The following MAP7D2 variants were observed in gnomAD, a reference collection of about 807,000 sequenced individuals.
MAP7D2 encodes MAP7 domain-containing protein 2.
In MAP7D2, 33 loss-of-function variants were observed where a neutral mutation model predicts 63.5. The observed-to-expected ratio is 0.52, with a 90% CI of 0.39 to 0.70. MAP7D2 has a LOEUF of 0.70. Ranked by LOEUF, MAP7D2 falls within the 30% of genes least tolerant of loss-of-function variation. The pLI, the probability that MAP7D2 is intolerant of heterozygous loss-of-function variation, is 0.00. For missense variants in MAP7D2, 626 were observed against 604.0 expected, an observed-to-expected ratio of 1.04 and a Z score of -0.38; for synonymous variants, 224 against 223.7, an observed-to-expected ratio of 1.00 and a Z score of -0.01.
chrX:20,094,522 A>ATATATATATATATATG (rs2066177476), intron 1 of MAP7D2, among the ~76,000 whole-genome samples: 1 of 13,915 alleles, frequency 7.2e-5, no homozygotes, highest in Admixed American at 1.4e-3. Flanking sequence ...ATATGTATAT[A>ATATATATATATATATG]TATATATATA....
chrX:20,065,807 A>T (rs564905874), intron 1 of MAP7D2, among the ~76,000 whole-genome samples: 1 of 112,437 alleles, frequency 8.9e-6, no homozygotes, highest in South Asian at 3.6e-4. Context: ...GGCTTTCTAA[A>T]CAAAAGATTA....
chrX:20,089,635 G>A (rs1287794852), intron 1 of MAP7D2, among the ~76,000 whole-genome samples: 1 of 112,080 alleles, frequency 8.9e-6, no homozygotes, highest in Non-Finnish European at 1.9e-5. Context: ...AAGATCCCCA[G>A]GGGATTCCCA....
At chrX:20,051,782 C>G (rs1307963471) in intron 5 of MAP7D2, among the ~76,000 whole-genome samples, 1 of 112,220 alleles carries the variant, frequency 8.9e-6, no homozygotes, top group African/African-American at 3.2e-5. Flanking sequence ...AAAATACAAA[C>G]AGCCAACTGA....
intron 1 of MAP7D2, among the ~76,000 whole-genome samples, chrX:20,111,426 G>A (rs759067487): frequency 4.5e-4 from 51 of 112,091 alleles, no homozygotes; most frequent in Middle Eastern, 9.3e-3. Flanking sequence ...GTAAAAGCGC[G>A]TCTTAGACCT....
At chrX:20,027,790 G>C (rs973788745) in intron 8 of MAP7D2, among the ~76,000 whole-genome samples, 2 of 98,615 alleles carry the variant, frequency 2.0e-5, no homozygotes, top group African/African-American at 4.1e-5. Flanking sequence ...GAGAGAGAGA[G>C]ACAGAGACAG....
At chrX:20,079,699 A>G (rs1235213324) in intron 1 of MAP7D2, among the ~76,000 whole-genome samples, 1 of 112,002 alleles carries the variant, frequency 8.9e-6, no homozygotes, top group Non-Finnish European at 1.9e-5. Context: ...TCCCAAGGTT[A>G]TGGGGTAGAG....
At chrX:20,063,369 T>G in intron 3 of MAP7D2, 45 bp downstream of exon 3, 1 of 1,190,594 alleles carries the variant, frequency 8.4e-7, no homozygotes, top group Non-Finnish European at 1.1e-6. Flanking sequence ...CTGAGCAGCC[T>G]GCTGAGGGGG....
intron 1 of MAP7D2, among the ~76,000 whole-genome samples, chrX:20,108,965 A>G (rs2066651305): frequency 9.1e-6 from 1 of 110,344 alleles, no homozygotes; most frequent in Non-Finnish European, 1.9e-5. Flanking sequence ...GTAAACTAGG[A>G]AATTCCATTA....
chrX:20,088,386 C>T (rs1233294279), intron 1 of MAP7D2, among the ~76,000 whole-genome samples: 1 of 103,998 alleles, frequency 9.6e-6, no homozygotes, highest in African/African-American at 3.5e-5. Context: ...CCTGAAATTC[C>T]TGGGCTCAAG....
At chrX:20,098,310 T>C (rs1411168458) in intron 1 of MAP7D2, among the ~76,000 whole-genome samples, 1 of 112,202 alleles carries the variant, frequency 8.9e-6, no homozygotes, top group African/African-American at 3.2e-5. Context: ...GCCAAGCCAG[T>C]AGGTGATCAG....
chrX:20,050,939 G>T lies in MAP7D2; in HGVS notation c.603C>A (p.His201Gln). 8.7e-7 allele frequency: 1 copy of T among 1,151,383 alleles called. No homozygotes were observed. Among genetic ancestry groups the T allele is most frequent in the African/African-American group, 1.8e-5 (1 of 55,708 alleles). The allele number at this position is 1,151,383 out of a possible 1,213,427, so 94.9% of individuals were successfully genotyped here. The change falls in exon 6 of 17, where the codon CAC (histidine) becomes CAA (glutamine). Residue 201 changes from histidine to glutamine, a missense_variant. Coordinates refer to ENST00000379643, the MANE Select transcript of MAP7D2 (RefSeq NM_001168465.2). ...TGGCTTCCATTGGACTAAGGTGCAT[G>T]TGATGAGCTGAGGGATGGAATCAAA... ...AISYSPDRAH[H>Q]MHLSPMEAIL...
chrX:20,070,730 G>A (rs2065482029), intron 1 of MAP7D2, among the ~76,000 whole-genome samples: 1 of 111,942 alleles, frequency 8.9e-6, no homozygotes, highest in Non-Finnish European at 1.9e-5. Flanking sequence ...GGGATACTGA[G>A]CAGTCAAACA....
In MAP7D2 at chrX:20,116,732, A is replaced by T; in HGVS notation, c.130+18T>A. 6.1e-6 allele frequency: 7 copies of T among 1,143,915 alleles called. No individual in the cohort carries two copies. The highest frequency in any genetic ancestry group is 8.1e-6 in the Non-Finnish European group (7 of 861,573). The allele number at this position is 1,143,915 out of a possible 1,213,427, so 94.3% of individuals were successfully genotyped here. A position where few individuals can be genotyped will look rare whatever the true frequency, so the allele number is the denominator to read the frequency against. Reference sequence around the variant, plus strand: ...AACCCGAAGCCCTCGGGCGCCCGCCACACTCTGGGGATAATACCTTGAGGC... The same window carrying T: ...AACCCGAAGCCCTCGGGCGCCCGCCTCACTCTGGGGATAATACCTTGAGGC... On this transcript the variant is annotated intron_variant, in intron 1 of 16. Transcript: ENST00000379643.
intron 1 of MAP7D2, among the ~76,000 whole-genome samples, chrX:20,084,516 G>C (rs2065856898): frequency 9.7e-6 from 1 of 102,728 alleles, no homozygotes; most frequent in Non-Finnish European, 2.0e-5. Flanking sequence ...CCCCTAGGTA[G>C]GACTGTACCC....
chrX:20,107,908 T>C (rs1231287336), intron 1 of MAP7D2, among the ~76,000 whole-genome samples: 1 of 111,805 alleles, frequency 8.9e-6, no homozygotes, highest in African/African-American at 3.3e-5. Context: ...GATGTACTAG[T>C]TGTAGTTTTA....
intron 16 of MAP7D2, among the ~76,000 whole-genome samples, chrX:20,009,397 C>T (rs2073104441): frequency 9.0e-6 from 1 of 111,589 alleles, no homozygotes; most frequent in Non-Finnish European, 1.9e-5. Flanking sequence ...GGCGCGGTGG[C>T]TCACGCCTGT....
chrX:20,023,675 G>A (rs970100142), intron 10 of MAP7D2, among the ~76,000 whole-genome samples: 12 of 111,457 alleles, frequency 1.1e-4, no homozygotes, highest in Non-Finnish European at 1.9e-4. Context: ...TTTAGCACAC[G>A]ACTACGATCA....
chrX:20,044,303 A>G (rs2064736873), intron 7 of MAP7D2, 61 bp downstream of exon 7: 1 of 1,098,537 alleles, frequency 9.1e-7, no homozygotes, highest in African/African-American at 1.8e-5. Flanking sequence ...CACAGAAGTA[A>G]TCACACCATC....
At chrX:20,070,236 C>T (rs373374583) in intron 1 of MAP7D2, among the ~76,000 whole-genome samples, 4 of 110,220 alleles carry the variant, frequency 3.6e-5, no homozygotes, top group African/African-American at 9.9e-5. Flanking sequence ...CATGAGCCAC[C>T]GCGCCTGGCC....
Sources: allele counts gnomAD v4.1 joint callset (sites outside exome capture counted in the v4.1 genomes callset), GRCh38; gene constraint gnomAD v4.1.1; transcripts MANE v1.5; gene names NCBI Gene and HGNC (gene_info 2026-07-23, HGNC 2026-07-21).